HIKESHI: variants seen among roughly 807,000 people sequenced by gnomAD.
HIKESHI encodes heat shock protein nuclear import factor hikeshi.
HIKESHI carries 13 observed loss-of-function variants against 25.7 expected under a neutral mutation model. The observed-to-expected ratio is 0.51, with a 90% CI of 0.33 to 0.80. The LOEUF (loss-of-function observed/expected upper bound fraction) is 0.80. HIKESHI is among the 30% of genes least tolerant of loss of function. The pLI is 0.02. For synonymous variants in HIKESHI, 76 were observed against 78.7 expected, an observed-to-expected ratio of 0.97 and a Z score of 0.18; for missense variants, 174 against 229.5, an observed-to-expected ratio of 0.76 and a Z score of 1.56.
intron 2 of HIKESHI, among the ~76,000 whole-genome samples, chr11:86,309,712 T>C (rs1946781000): frequency 1.3e-5 from 2 of 152,222 alleles, no homozygotes; most frequent in South Asian, 2.1e-4. Context: ...AGGGCTAACA[T>C]GTAAGTCTTT....
intron 2 of HIKESHI, among the ~76,000 whole-genome samples, chr11:86,326,857 C>T (rs1947294914): frequency 6.6e-6 from 1 of 152,090 alleles, no homozygotes; most frequent in East Asian, 1.9e-4. Context: ...TAAATTGGGA[C>T]TGTTGTATGG....
chr11:86,322,207 G>A (rs560923159), intron 2 of HIKESHI, among the ~76,000 whole-genome samples: 18 of 151,978 alleles, frequency 1.2e-4, no homozygotes, highest in Non-Finnish European at 2.4e-4. Flanking sequence ...GGCTGATCTC[G>A]AACTCCTGAC....
chr11:86,344,362 C>T, intron 3 of HIKESHI: 1 of 377,982 alleles, frequency 2.6e-6, no homozygotes, highest in Non-Finnish European at 4.7e-6. Context: ...GACACAGGGC[C>T]TCACTATGTT....
intron 2 of HIKESHI, among the ~76,000 whole-genome samples, chr11:86,333,485 A>G (rs1947471858): frequency 6.6e-6 from 1 of 152,004 alleles, no homozygotes; most frequent in Admixed American, 6.6e-5. Flanking sequence ...CAGTGAGCCA[A>G]GATCGTCCTA....
intron 2 of HIKESHI, among the ~76,000 whole-genome samples, chr11:86,330,195 T>C (rs1732682786): frequency 6.6e-6 from 1 of 152,210 alleles, no homozygotes; most frequent in South Asian, 2.1e-4. Context: ...TTCCAAGAAT[T>C]AATATTACAG....
intron 2 of HIKESHI, among the ~76,000 whole-genome samples, chr11:86,316,702 A>AT (rs1946989180): frequency 1.4e-5 from 2 of 145,916 alleles, no homozygotes; most frequent in African/African-American, 2.5e-5. Context: ...CCAGAATGAG[A>AT]TTTTTTTATT....
intron 4 of HIKESHI, 144 bp downstream of exon 4, chr11:86,344,865 A>G (rs1414704675): frequency 3.5e-6 from 2 of 566,524 alleles, no homozygotes; most frequent in Non-Finnish European, 6.1e-6. Flanking sequence ...TATGTACTAT[A>G]GAGATCTGAT....
At chr11:86,338,086 G>C (rs1375479339) in intron 3 of HIKESHI, among the ~76,000 whole-genome samples, 1 of 152,168 alleles carries the variant, frequency 6.6e-6, no homozygotes, top group Non-Finnish European at 1.5e-5. Flanking sequence ...ATTAGTAACT[G>C]TATTCTCCAT....
chr11:86,335,422 A>T lies in HIKESHI; in HGVS notation c.269-1957A>T, dbSNP rs565137324. On this transcript the variant is annotated intron_variant, in intron 2 of 4. Coordinates refer to ENST00000278483, the MANE Select transcript of HIKESHI (RefSeq NM_016401.4). ...GGAATGAGGGCTTTGAAATTCTCTGACATATTCTTGGTAATCTAGAAGGGT... is the reference window on the plus strand; with the variant it reads ...GGAATGAGGGCTTTGAAATTCTCTGTCATATTCTTGGTAATCTAGAAGGGT... Among the ~76,000 whole-genome samples the T allele has an allele frequency of 6.4e-4, 97 of 152,302 alleles. 1 individual carries two copies. Among genetic ancestry groups the T allele is most frequent in the African/African-American group, 2.3e-3 (94 of 41,572 alleles).
intron 2 of HIKESHI, among the ~76,000 whole-genome samples, chr11:86,334,649 C>A (rs566304407): frequency 1.3e-5 from 2 of 152,032 alleles, no homozygotes; most frequent in African/African-American, 4.8e-5. Flanking sequence ...AGAAATCAAA[C>A]GGTAGAGTAA....
intron 2 of HIKESHI, among the ~76,000 whole-genome samples, chr11:86,335,123 G>A (rs1229173933): frequency 2.6e-5 from 4 of 152,034 alleles, no homozygotes; most frequent in Non-Finnish European, 4.4e-5. Context: ...TCCATTCCTG[G>A]TACTGATATA....
At chr11:86,319,514 C>T (rs545785750) in intron 2 of HIKESHI, among the ~76,000 whole-genome samples, 45 of 152,024 alleles carry the variant, frequency 3.0e-4, no homozygotes, top group South Asian at 1.0e-3. Flanking sequence ...GCCTCAACCT[C>T]CCAAAGTGCT....
At chr11:86,336,223 A>G (rs76655439) in intron 2 of HIKESHI, among the ~76,000 whole-genome samples, 13,377 of 152,230 alleles carry the variant, frequency 0.088, 887 homozygotes, top group African/African-American at 0.18. Flanking sequence ...CCTGTGAGAC[A>G]CCCTCAAGTG....
intron 3 of HIKESHI, among the ~76,000 whole-genome samples, chr11:86,340,596 G>GTGGT (rs372662742): frequency 2.6e-5 from 4 of 151,508 alleles, no homozygotes; most frequent in African/African-American, 9.7e-5. Flanking sequence ...TTTTGATGGG[G>GTGGT]TTGTTTTTTT....
intron 2 of HIKESHI, among the ~76,000 whole-genome samples, chr11:86,324,646 A>G (rs983820837): frequency 2.0e-5 from 3 of 152,150 alleles, no homozygotes; most frequent in African/African-American, 7.2e-5. Flanking sequence ...AAATATAAGA[A>G]TAGGTGAATT....
At chr11:86,316,641 AGT>A (rs1217388046) in intron 2 of HIKESHI, among the ~76,000 whole-genome samples, 2 of 152,194 alleles carry the variant, frequency 1.3e-5, no homozygotes, top group Admixed American at 1.3e-4. Flanking sequence ...AGTTTATATA[AGT>A]GTTTATATAA....
intron 2 of HIKESHI, among the ~76,000 whole-genome samples, chr11:86,321,367 A>C (rs1040193322): frequency 5.9e-5 from 9 of 152,184 alleles, no homozygotes; most frequent in Admixed American, 2.0e-4. Flanking sequence ...TTGGCTCATA[A>C]AAATAAAACT....
intron 2 of HIKESHI, among the ~76,000 whole-genome samples, chr11:86,315,529 C>CA (rs1442602940): frequency 6.6e-6 from 1 of 152,152 alleles, no homozygotes; most frequent in Non-Finnish European, 1.5e-5. Flanking sequence ...CCATGTTGGT[C>CA]AGGCTGGTCT....
intron 2 of HIKESHI, among the ~76,000 whole-genome samples, chr11:86,336,864 A>G (rs1947576413): frequency 6.6e-6 from 1 of 152,038 alleles, no homozygotes; most frequent in Non-Finnish European, 1.5e-5. Flanking sequence ...CCTTGCTAAG[A>G]TTAATAGCTG....
Sources: gnomAD v4.1 joint callset for allele counts (sites outside exome capture counted in the v4.1 genomes callset) on GRCh38, gnomAD v4.1.1 for gene constraint, MANE v1.5 for transcripts, NCBI Gene and HGNC (gene_info 2026-07-23, HGNC 2026-07-21) for gene names.